Variants in AUTS2 observed in about 807,000 individuals in gnomAD.
The protein encoded by AUTS2 is activator of transcription and developmental regulator AUTS2.
In AUTS2, 17 loss-of-function variants were observed where a neutral mutation model predicts 112.4. That is an observed-to-expected ratio of 0.15 (90% CI 0.10 to 0.23). AUTS2 has a LOEUF of 0.23. Ranked by LOEUF, AUTS2 falls within the 10% of genes least tolerant of loss-of-function variation. AUTS2 has a pLI of 1.00. For synonymous variants in AUTS2, 751 were observed against 702.7 expected, an observed-to-expected ratio of 1.07 and a Z score of -1.09; for missense variants, 1,510 against 1,701.6, an observed-to-expected ratio of 0.89 and a Z score of 1.98.
intron 5 of AUTS2, among the ~76,000 whole-genome samples, chr7:70,601,040 T>TA (rs1803450382): frequency 6.6e-6 from 1 of 152,240 alleles, no homozygotes; most frequent in Non-Finnish European, 1.5e-5. Flanking sequence ...GGTCAATACC[T>TA]AGGAGTTGCT....
chr7:70,507,685 T>C (rs1799020968), intron 5 of AUTS2, among the ~76,000 whole-genome samples: 1 of 150,244 alleles, frequency 6.7e-6, no homozygotes. Flanking sequence ...TAATCCCAGC[T>C]ACTTGGGAGG....
chr7:70,569,922 C>T (rs547415012), intron 5 of AUTS2, among the ~76,000 whole-genome samples: 1 of 151,646 alleles, frequency 6.6e-6, no homozygotes, highest in South Asian at 2.1e-4. Flanking sequence ...TCTCCCAAAA[C>T]AAAACTCAAG....
chr7:69,945,983 C>T (rs1366328299), intron 2 of AUTS2, among the ~76,000 whole-genome samples: 1 of 152,042 alleles, frequency 6.6e-6, no homozygotes, highest in Admixed American at 6.6e-5. Flanking sequence ...ATTATAGGCT[C>T]GTGCCCACCA....
intron 4 of AUTS2, among the ~76,000 whole-genome samples, chr7:70,272,235 TAA>T (rs59227972): frequency 4.9e-5 from 7 of 143,320 alleles, no homozygotes; most frequent in Admixed American, 7.0e-5. Flanking sequence ...GTAGTTAAAT[TAA>T]AAAAAAAAAA....
intron 5 of AUTS2, among the ~76,000 whole-genome samples, chr7:70,473,911 C>A (rs1478873038): frequency 3.3e-5 from 5 of 152,068 alleles, no homozygotes; most frequent in African/African-American, 1.2e-4. Context: ...TCATATATTT[C>A]ATGGAAATCT....
chr7:70,660,062 A>G (rs971823758), intron 5 of AUTS2, among the ~76,000 whole-genome samples: 6 of 152,134 alleles, frequency 3.9e-5, no homozygotes, highest in African/African-American at 1.2e-4. Context: ...CTGTAGTCCC[A>G]GCTACTCTGG....
At chr7:70,593,398 C>T (rs538368725) in intron 5 of AUTS2, among the ~76,000 whole-genome samples, 1 of 152,132 alleles carries the variant, frequency 6.6e-6, no homozygotes, top group South Asian at 2.1e-4. Flanking sequence ...TCATGCTCTG[C>T]ACACTGCCTC....
intron 11 of AUTS2, 117 bp downstream of exon 11, chr7:70,771,761 G>GC: frequency 1.3e-6 from 1 of 775,746 alleles, no homozygotes; most frequent in Non-Finnish European, 2.1e-6. Flanking sequence ...CAGGTCCTAA[G>GC]TGACCACTGG....
At chr7:70,566,056 G>C (rs1232448243) in intron 5 of AUTS2, among the ~76,000 whole-genome samples, 2 of 152,220 alleles carry the variant, frequency 1.3e-5, no homozygotes, top group Non-Finnish European at 2.9e-5. Flanking sequence ...TTAACACTGT[G>C]TGCATAAGAT....
chr7:70,638,419 G>A (rs936722483), intron 5 of AUTS2, among the ~76,000 whole-genome samples: 6 of 152,174 alleles, frequency 3.9e-5, no homozygotes, highest in African/African-American at 1.4e-4. Flanking sequence ...TGCAGATGCC[G>A]CACACCGTGG....
At chr7:70,258,672 G>A (rs1787008360) in intron 4 of AUTS2, among the ~76,000 whole-genome samples, 1 of 152,144 alleles carries the variant, frequency 6.6e-6, no homozygotes, top group Non-Finnish European at 1.5e-5. Context: ...TGAGGCTGCT[G>A]TGAAAATGGC....
chr7:70,790,676 C>T lies in AUTS2; in HGVS notation c.3460C>T (p.Arg1154Cys), dbSNP rs374217111. ...ERGGHLDERERLHMLREDYEH... is the reference protein window; with the variant it reads ...ERGGHLDERECLHMLREDYEH... ...GGGAGGCCACCTGGACGAGCGGGAG[C>T]GCTTGCACATGCTCAGAGAAGACTA... is the stretch of plus-strand genomic sequence containing the variant. Residue 1154 changes from arginine to cysteine, a missense_variant, in exon 19 of 19, where the codon CGC (arginine) becomes TGC (cysteine). Physicochemically the swap from Arg to Cys is radical, Grantham distance 180. This residue lies in a region of AUTS2 where 788 missense variants were observed against 797.6 expected (regional missense o/e 0.99). Coordinates refer to ENST00000342771, the MANE Select transcript of AUTS2 (RefSeq NM_015570.4). This position sits in a 1 kb window ranked among gnomAD's most constrained non-coding sequence, Gnocchi z 7.6. 1.4e-5 allele frequency: 23 copies of T among 1,613,518 alleles called. No individual in the cohort carries two copies. Among genetic ancestry groups the T allele is most frequent in the Non-Finnish European group, 1.9e-5 (22 of 1,179,928 alleles).
intron 5 of AUTS2, among the ~76,000 whole-genome samples, chr7:70,503,746 T>C (rs1798857572): frequency 6.6e-6 from 1 of 150,880 alleles, no homozygotes; most frequent in African/African-American, 2.4e-5. Context: ...CTCAAACTCC[T>C]AGGATCAAGT....
At chr7:70,344,640 G>A (rs1791413234) in intron 4 of AUTS2, among the ~76,000 whole-genome samples, 1 of 152,182 alleles carries the variant, frequency 6.6e-6, no homozygotes, top group Non-Finnish European at 1.5e-5. Context: ...ACATGGGTTA[G>A]AACCTTTTGA....
chr7:70,017,091 T>C (rs1160406044), intron 2 of AUTS2, among the ~76,000 whole-genome samples: 1 of 152,230 alleles, frequency 6.6e-6, no homozygotes, highest in Non-Finnish European at 1.5e-5. Context: ...ACTTCAAGTA[T>C]TAAATTTCTA....
chr7:70,726,851 A>G (rs994663060), intron 6 of AUTS2, among the ~76,000 whole-genome samples: 1 of 152,194 alleles, frequency 6.6e-6, no homozygotes, highest in African/African-American at 2.4e-5. Context: ...GTAAAGGATA[A>G]CACACGGGAT....
At chr7:70,639,839 A>G (rs1179985195) in intron 5 of AUTS2, among the ~76,000 whole-genome samples, 4 of 151,970 alleles carry the variant, frequency 2.6e-5, no homozygotes, top group Non-Finnish European at 5.9e-5. Flanking sequence ...TTTCCCTATC[A>G]GAAGTCAGAA....
intron 5 of AUTS2, among the ~76,000 whole-genome samples, chr7:70,619,052 C>A (rs1032871646): frequency 4.1e-4 from 62 of 152,274 alleles, no homozygotes; most frequent in African/African-American, 1.3e-3. Flanking sequence ...GTTTTCAAAG[C>A]ATGGCTGAAT....
In AUTS2 at chr7:69,905,159, G is replaced by C. The variant is rs192319647; in HGVS notation, c.522+5661G>C. On this transcript the variant is annotated intron_variant, in intron 2 of 18. Transcript: ENST00000342771. ...TTTGTTGCTGTGAGCCCTGAATGTTGGGAATAGTGAGCATAAACATCACTT... is the reference window on the plus strand; with the variant it reads ...TTTGTTGCTGTGAGCCCTGAATGTTCGGAATAGTGAGCATAAACATCACTT... Among the ~76,000 whole-genome samples, 176 of 152,238 alleles carry C rather than the reference G, an allele frequency of 1.2e-3. 1 individual carries two copies. Among genetic ancestry groups the C allele is most frequent in the Admixed American group, 4.1e-3 (62 of 15,290 alleles).
Sources: gnomAD v4.1 joint callset for allele counts (sites outside exome capture counted in the v4.1 genomes callset) on GRCh38, gnomAD v4.1.1 for gene constraint, gnomAD v4.1.1 regional missense constraint, Gnocchi (gnomAD v3.1) non-coding constraint, MANE v1.5 for transcripts, NCBI Gene and HGNC (gene_info 2026-07-23, HGNC 2026-07-21) for gene names.